The following PIK3C2B variants were observed in gnomAD, a reference collection of about 807,000 sequenced individuals.
PIK3C2B encodes the protein phosphatidylinositol-4-phosphate 3-kinase catalytic subunit type 2 beta.
A neutral mutation model predicts 184.3 loss-of-function variants in PIK3C2B; 83 were observed. The ratio of observed to expected loss-of-function variants is 0.45; its 90% CI spans 0.38 to 0.54. PIK3C2B has a LOEUF of 0.54. PIK3C2B is among the 20% of genes least tolerant of loss of function. PIK3C2B has a pLI of 0.00. For missense variants in PIK3C2B, 1,736 were observed against 2,113.5 expected (o/e 0.82, Z 3.50); for synonymous variants, 779 against 837.6 (o/e 0.93, Z 1.21).
chr1:204,469,717 G>C lies in PIK3C2B; in HGVS notation c.86C>G (p.Ala29Gly). The C allele has an allele frequency of 6.2e-7, 1 of 1,613,968 alleles. No homozygotes were observed. Reference sequence around the variant, plus strand: ...CAGGGCATCATACTCCATCTGCAGGGCTTCGGCCATCGCTAGCTCTTTGCG... The same window carrying C: ...CAGGGCATCATACTCCATCTGCAGGCCTTCGGCCATCGCTAGCTCTTTGCG... Reference protein sequence around the residue: ...ISRKELAMAEALQMEYDALSR... With the variant: ...ISRKELAMAEGLQMEYDALSR... Residue 29 changes from alanine (A) to glycine (G), a missense_variant, in exon 2 of 33, where the codon GCC becomes GGC. Coordinates refer to ENST00000684373, the MANE Select transcript of PIK3C2B (RefSeq NM_001377334.1).
rs145435409 is a variant in PIK3C2B, at chr1:204,469,491, G to A, written c.312C>T (p.Asn104=). Reference sequence around the variant, plus strand: ...GCTGTGGCCCTTGGGAGGTAGAGTGGTTGGGCGGCCCTTCCTGTGGGGAGA... The same window carrying A: ...GCTGTGGCCCTTGGGAGGTAGAGTGATTGGGCGGCCCTTCCTGTGGGGAGA... ...NSLSPQEGPP[N]HSTSQGPQPG... Residue 104 remains asparagine, a synonymous_variant, in exon 2 of 33, where the codon AAC becomes AAT. Coordinates refer to ENST00000684373, the MANE Select transcript of PIK3C2B (RefSeq NM_001377334.1). The A allele has an allele frequency of 2.5e-5, 40 of 1,607,440 alleles. 2 individuals are homozygous for A. The East Asian group carries it at 4.2e-4, about 17-fold the overall frequency.
At chr1:204,476,488 G>A (rs890311978) in intron 1 of PIK3C2B, among the ~76,000 whole-genome samples, 2 of 152,206 alleles carry the variant, frequency 1.3e-5, no homozygotes, top group Admixed American at 6.5e-5. Flanking sequence ...TGAGGCTACA[G>A]TGAGCCGTGA....
intron 1 of PIK3C2B, among the ~76,000 whole-genome samples, chr1:204,485,890 T>C (rs140344900): frequency 1.3e-5 from 2 of 152,224 alleles, no homozygotes; most frequent in East Asian, 1.9e-4. Flanking sequence ...GGATGTGCGA[T>C]GGCTGTAATA....
In PIK3C2B at chr1:204,432,264, G is replaced by A. The variant is rs61758001; in HGVS notation, c.4091C>T (p.Ser1364Phe). 6.2e-7 allele frequency: 1 copy of A among 1,614,120 alleles called. No homozygotes were observed. Among genetic ancestry groups the A allele is most frequent in the South Asian group, 1.1e-5 (1 of 91,072 alleles). Residue 1364 changes from serine (S) to phenylalanine (F), a missense_variant, in exon 27 of 33, where the codon TCT (serine) becomes TTT (phenylalanine). Coordinates refer to ENST00000684373, the MANE Select transcript of PIK3C2B (RefSeq NM_001377334.1). The stretch of plus-strand genomic sequence containing the variant: ...GAGGAAAACATCACTGATTCGGCCA[G>A]AGCTCTTGAGAGTGTGTGTTCGGGA... ...FASRTHTLKS[S>F]GRISDVFLCR...
rs1196843420 is a variant in PIK3C2B, at chr1:204,444,293, G to T, written c.2772+38C>A. ...CAGACTCACTTGGGATACTGGGGAT[G>T]GGACCAGCAAAACTGGAGGGAGGAC... On this transcript the variant is annotated intron_variant, in intron 17 of 32. Coordinates refer to ENST00000684373, the MANE Select transcript of PIK3C2B (RefSeq NM_001377334.1). The T allele has an allele frequency of 1.9e-6, 3 of 1,552,478 alleles. No homozygotes were observed. In the African/African-American group the frequency reaches 4.1e-5, roughly 21 times the overall value.
chr1:204,448,114 C>CATTT (rs1274743859), intron 14 of PIK3C2B, among the ~76,000 whole-genome samples: 2 of 152,182 alleles, frequency 1.3e-5, no homozygotes, highest in East Asian at 1.9e-4. Flanking sequence ...TTTATTTATT[C>CATTT]ATTTATTTAT....
chr1:204,458,555 G>A (rs866477255), intron 8 of PIK3C2B, among the ~76,000 whole-genome samples: 8 of 150,328 alleles, frequency 5.3e-5, no homozygotes, highest in African/African-American at 7.4e-5. Context: ...GTGCAATGGC[G>A]CGATCTCGGC....
chr1:204,448,525 C>T (rs958974137), intron 14 of PIK3C2B, among the ~76,000 whole-genome samples: 10 of 151,778 alleles, frequency 6.6e-5, no homozygotes, highest in Admixed American at 6.6e-5. Context: ...GTAGTCTCAT[C>T]TACTCGGGAG....
chr1:204,464,257 A>C, intron 4 of PIK3C2B, 125 bp from the exon 5 acceptor site: 1 of 1,247,532 alleles, frequency 8.0e-7, no homozygotes, highest in Non-Finnish European at 1.1e-6. Context: ...CAGATAAAGC[A>C]GGCAAGTAGT....
At chr1:204,438,139 A>G (rs1558237295) in intron 23 of PIK3C2B, among the ~76,000 whole-genome samples, 3 of 152,244 alleles carry the variant, frequency 2.0e-5, no homozygotes, top group Non-Finnish European at 2.9e-5. Context: ...GATAAAGTAC[A>G]TTGATCAATA....
chr1:204,431,889 G>T, intron 27 of PIK3C2B, 96 bp from the exon 28 acceptor site: 1 of 1,371,132 alleles, frequency 7.3e-7, no homozygotes, highest in Non-Finnish European at 1.0e-6. Flanking sequence ...GTGCTGAGGG[G>T]AGGGGCACAT....
At chr1:204,464,676 C>T (rs1473641030) in intron 3 of PIK3C2B, 72 bp from the exon 4 acceptor site, 3 of 1,451,836 alleles carry the variant, frequency 2.1e-6, no homozygotes, top group Non-Finnish European at 2.8e-6. Context: ...TGTTGGGAAC[C>T]TCATGCTCTG....
chr1:204,483,336 T>G (rs992083731), intron 1 of PIK3C2B, among the ~76,000 whole-genome samples: 1 of 151,008 alleles, frequency 6.6e-6, no homozygotes, highest in African/African-American at 2.4e-5. Context: ...GAGGCTCAAC[T>G]GAGCCATGAT....
chr1:204,449,772 G>C, intron 13 of PIK3C2B, 78 bp downstream of exon 13: 1 of 1,360,252 alleles, frequency 7.4e-7, no homozygotes, highest in Non-Finnish European at 1.0e-6. Flanking sequence ...GCACTGGCCA[G>C]TGCAGCAGCC....
chr1:204,456,054 G>GGGAAGGGAAGGGGTC lies in PIK3C2B; in HGVS notation c.1748-18_1748-4dup, dbSNP rs1226163926. On this transcript the variant is annotated splice_polypyrimidine_tract_variant and splice_region_variant and intron_variant, in intron 10 of 32. Transcript: ENST00000684373. Reference sequence around the variant, plus strand: ...GGTCAGGGCTTCCACGACCTTCTCTGGGAAGGGAAGGGGTCAGAAGGGAAA... The same window carrying GGGAAGGGAAGGGGTC: ...GGTCAGGGCTTCCACGACCTTCTCTGGGAAGGGAAGGGGTCGGAAGGGAAGGGGTCAGAAGGGAAA... 7.5e-6 allele frequency: 12 copies of GGGAAGGGAAGGGGTC among 1,610,620 alleles called. No homozygotes were observed. The highest frequency in any genetic ancestry group is 1.3e-5 in the African/African-American group (1 of 74,878).
intron 2 of PIK3C2B, among the ~76,000 whole-genome samples, chr1:204,466,173 T>G (rs975714882): frequency 8.6e-5 from 13 of 152,034 alleles, no homozygotes; most frequent in Non-Finnish European, 4.4e-5. Context: ...GGAGAGCTGG[T>G]GCATGACAGG....
intron 1 of PIK3C2B, among the ~76,000 whole-genome samples, chr1:204,473,679 G>A (rs1656474775): frequency 6.6e-6 from 1 of 152,230 alleles, no homozygotes. Flanking sequence ...GAAAATTCAG[G>A]CCATTGGAAA....
chr1:204,485,118 G>A (rs953344438), intron 1 of PIK3C2B, among the ~76,000 whole-genome samples: 17 of 151,390 alleles, frequency 1.1e-4, no homozygotes, highest in African/African-American at 4.1e-4. Flanking sequence ...GTGTGATCAC[G>A]GATCACTGCA....
In PIK3C2B at chr1:204,447,981, G is replaced by C. The variant is rs184335084; in HGVS notation, c.2347-403C>G. Among the ~76,000 whole-genome samples, 2 of 152,146 alleles carry C rather than the reference G, an allele frequency of 1.3e-5. No homozygotes were observed. The highest frequency in any genetic ancestry group is 4.8e-5 in the African/African-American group (2 of 41,422). On this transcript the variant is annotated intron_variant, in intron 14 of 32. Transcript: ENST00000684373. The surrounding 1 kb of genome is among the most constrained non-coding windows in gnomAD (Gnocchi z 4.1). ...AGAGGGGAGGCAAGACCACACACTG[G>C]GAGAAGGCCCTGGGACACTCGGTCC...
Sources: gnomAD v4.1 joint callset for allele counts (sites outside exome capture counted in the v4.1 genomes callset) on GRCh38, gnomAD v4.1.1 for gene constraint, Gnocchi (gnomAD v3.1) non-coding constraint, MANE v1.5 for transcripts, NCBI Gene and HGNC (gene_info 2026-07-23, HGNC 2026-07-21) for gene names.